The following PROM1 variants were observed in gnomAD, a reference collection of about 807,000 sequenced individuals.
PROM1 encodes prominin 1.
PROM1 carries 105 observed loss-of-function variants against 116.9 expected under a neutral mutation model. That is an observed-to-expected ratio of 0.90 (90% confidence interval 0.77 to 1.06). The LOEUF (loss-of-function observed/expected upper bound fraction) is 1.06, where lower values mean the gene tolerates loss of function less well. PROM1 is among the 50% of genes least tolerant of loss of function. The pLI is 0.00. For missense variants in PROM1, 1,122 were observed against 1,045.2 expected (o/e 1.07, Z -1.01); for synonymous variants, 393 against 387.0 (o/e 1.02, Z -0.18).
chr4:16,004,380 T>A (rs1327168010), intron 13 of PROM1, among the ~76,000 whole-genome samples: 1 of 152,236 alleles, frequency 6.6e-6, no homozygotes, highest in Non-Finnish European at 1.5e-5. Context: ...TCCATCAATT[T>A]GTTGATGATT....
In PROM1 at chr4:15,984,357, T is replaced by C. The variant is rs1718768311; in HGVS notation, c.2281-2A>G. On this transcript the variant is annotated splice_acceptor_variant, in intron 22 of 27. Transcript: ENST00000447510. LOFTEE classifies it high-confidence loss of function. Reference sequence around the variant, plus strand: ...GCACGATGCCACTTTCTCACTGATCTAGGGGGGTGGAAACACAGGGAAACT... The same window carrying C: ...GCACGATGCCACTTTCTCACTGATCCAGGGGGGTGGAAACACAGGGAAACT... 1.2e-5 allele frequency: 19 copies of C among 1,567,216 alleles called. No individual in the cohort carries two copies. Among genetic ancestry groups the C allele is most frequent in the Non-Finnish European group, 1.6e-5 (19 of 1,155,016 alleles).
At chr4:15,977,493 T>A (rs574601452) in intron 26 of PROM1, among the ~76,000 whole-genome samples, 1 of 152,242 alleles carries the variant, frequency 6.6e-6, no homozygotes, top group Non-Finnish European at 1.5e-5. Flanking sequence ...ACCTGGCTAA[T>A]TGATACTTAA....
chr4:15,975,900 T>C (rs3796862), intron 26 of PROM1, among the ~76,000 whole-genome samples: 110,553 of 152,204 alleles, frequency 0.73, 40,495 homozygotes, highest in African/African-American at 0.84. Context: ...CACTCAGTCT[T>C]TGGGATTCTT....
intron 5 of PROM1, 51 bp from the exon 6 acceptor site, chr4:16,025,363 T>G (rs1730987558): frequency 6.2e-7 from 1 of 1,603,806 alleles, no homozygotes; most frequent in Non-Finnish European, 8.5e-7. Context: ...TGGTCCATGG[T>G]TCTTTGTCCA....
chr4:16,000,680 C>G lies in PROM1; in HGVS notation c.1455-61G>C, dbSNP rs1723567031. 6.6e-6 allele frequency: 9 copies of G among 1,362,512 alleles called. No individual in the cohort carries two copies. The East Asian group carries it at 2.2e-4, about 33-fold the overall frequency. The allele number at this position is 1,362,512 out of a possible 1,614,324, so 84.4% of individuals were successfully genotyped here. On this transcript the variant is annotated intron_variant, in intron 13 of 27. Transcript: ENST00000447510. ...AATGATTCAATATTACCTACTGATA[C>G]TTACTAAATCTACCTATACTCTATA...
At chr4:16,011,185 T>C (rs1317020620) in intron 11 of PROM1, among the ~76,000 whole-genome samples, 5 of 152,124 alleles carry the variant, frequency 3.3e-5, no homozygotes, top group Non-Finnish European at 7.4e-5. Context: ...TATACCCTCT[T>C]CAAACCTCTC....
chr4:15,976,990 A>C (rs536387748), intron 26 of PROM1, among the ~76,000 whole-genome samples: 1 of 152,268 alleles, frequency 6.6e-6, no homozygotes, highest in African/African-American at 2.4e-5. Context: ...CTAATCTGTA[A>C]TGATTAGCCC....
At chr4:16,008,212 T>C (rs539727885) in intron 12 of PROM1, among the ~76,000 whole-genome samples, 198 of 152,344 alleles carry the variant, frequency 1.3e-3, no homozygotes, top group African/African-American at 4.5e-3. Context: ...AAAGGGTTGC[T>C]GAGCTCTTCA....
At chr4:16,041,044 G>A (rs546318736) in intron 2 of PROM1, among the ~76,000 whole-genome samples, 97 of 152,342 alleles carry the variant, frequency 6.4e-4, no homozygotes, top group Non-Finnish European at 7.1e-4. Flanking sequence ...CTGAACCAGC[G>A]GGTCTCCAAG....
chr4:16,047,209 CTT>C (rs1033343913), intron 2 of PROM1, among the ~76,000 whole-genome samples: 5 of 151,934 alleles, frequency 3.3e-5, no homozygotes, highest in African/African-American at 1.2e-4. Context: ...AGGGTACTGC[CTT>C]TCTTTTTTTT....
chr4:15,979,247 T>G lies in PROM1; in HGVS notation c.2582+148A>C, dbSNP rs745532155. 4.7e-6 allele frequency: 6 copies of G among 1,272,174 alleles called. No homozygotes were observed. The African/African-American group carries it at 8.8e-5, about 19-fold the overall frequency. 78.8% of individuals were successfully genotyped at this position (1,272,174 alleles called of 1,614,324 possible). ...AAACTCATGGCATCATGGAACACTATGTAGAGCATGATTGGAGACTAGCAT... is the reference window on the plus strand; with the variant it reads ...AAACTCATGGCATCATGGAACACTAGGTAGAGCATGATTGGAGACTAGCAT... On this transcript the variant is annotated intron_variant, in intron 26 of 27. Coordinates refer to ENST00000447510, the MANE Select transcript of PROM1 (RefSeq NM_006017.3).
chr4:15,977,507 G>A (rs1292775145), intron 26 of PROM1, among the ~76,000 whole-genome samples: 4 of 152,122 alleles, frequency 2.6e-5, no homozygotes, highest in Non-Finnish European at 4.4e-5. Context: ...TACTTAAATC[G>A]ATCTTCAACT....
chr4:16,009,143 A>C, intron 11 of PROM1, 35 bp from the exon 12 acceptor site: 1 of 1,579,922 alleles, frequency 6.3e-7, no homozygotes, highest in Non-Finnish European at 8.6e-7. Flanking sequence ...TGCATTTGCA[A>C]ACATGGAGGA....
At chr4:16,047,500 G>C (rs761512024) in intron 2 of PROM1, among the ~76,000 whole-genome samples, 1 of 152,064 alleles carries the variant, frequency 6.6e-6, no homozygotes, top group African/African-American at 2.4e-5. Context: ...CCACCATGCC[G>C]GGCAGGTACT....
intron 2 of PROM1, among the ~76,000 whole-genome samples, chr4:16,062,411 C>T (rs943241206): frequency 6.6e-6 from 1 of 152,118 alleles, no homozygotes; most frequent in Admixed American, 6.5e-5. Context: ...ATATTAAGCA[C>T]AATTGTTAAT....
At chr4:15,992,486 C>T in intron 16 of PROM1, 95 bp from the exon 17 acceptor site, 1 of 1,336,408 alleles carries the variant, frequency 7.5e-7, no homozygotes. Flanking sequence ...GATGTGGTGG[C>T]TCATGCCTGC....
At position 16,074,177 on chromosome 4, in the gene PROM1, T is replaced by C. The variant is rs561703824; in HGVS notation, c.220+1510A>G. On this transcript the variant is annotated intron_variant, in intron 2 of 27. Coordinates refer to ENST00000447510, the MANE Select transcript of PROM1 (RefSeq NM_006017.3). The stretch of plus-strand genomic sequence containing the variant: ...AGCACAACAGGATGACTATAGTCAA[T>C]AATAATGTAATTGTACATTTTGAAA... Among the ~76,000 whole-genome samples the C allele has an allele frequency of 9.4e-4, 143 of 152,332 alleles. 1 individual carries two copies. In the Middle Eastern group the frequency reaches 0.017, roughly 18 times the overall value.
At chr4:16,019,528 G>A (rs996439144) in intron 8 of PROM1, among the ~76,000 whole-genome samples, 4 of 152,200 alleles carry the variant, frequency 2.6e-5, no homozygotes, top group Non-Finnish European at 5.9e-5. Flanking sequence ...ATTTGGAGGG[G>A]CATCTAGTAC....
intron 8 of PROM1, among the ~76,000 whole-genome samples, chr4:16,020,700 A>C (rs1473600063): frequency 1.3e-5 from 2 of 152,232 alleles, no homozygotes; most frequent in Non-Finnish European, 2.9e-5. Context: ...GACAGGTGAT[A>C]AAATAAATGC....
Sources: gnomAD v4.1 joint callset for allele counts (sites outside exome capture counted in the v4.1 genomes callset) on GRCh38, gnomAD v4.1.1 for gene constraint, MANE v1.5 for transcripts, NCBI Gene and HGNC (gene_info 2026-07-23, HGNC 2026-07-21) for gene names.